Variants in EPB41L2 observed in about 807,000 individuals in gnomAD.
The protein encoded by EPB41L2 is erythrocyte membrane protein band 4.1 like 2.
A neutral mutation model predicts 113.0 loss-of-function variants in EPB41L2; 43 were observed. The observed-to-expected ratio is 0.38, with a 90% CI of 0.30 to 0.49. The LOEUF (loss-of-function observed/expected upper bound fraction) is 0.49. Ranked by LOEUF, EPB41L2 falls within the 20% of genes least tolerant of loss-of-function variation. The pLI is 0.95. For synonymous variants in EPB41L2, 442 were observed against 436.7 expected, an observed-to-expected ratio of 1.01 and a Z score of -0.15; for missense variants, 1,147 against 1,223.4, an observed-to-expected ratio of 0.94 and a Z score of 0.93.
intron 1 of EPB41L2, among the ~76,000 whole-genome samples, chr6:130,966,272 A>G (rs970529668): frequency 6.6e-6 from 1 of 152,220 alleles, no homozygotes; most frequent in African/African-American, 2.4e-5. Flanking sequence ...TATACCACAC[A>G]TTCATACAAC....
rs1486162310 is a variant in EPB41L2 at position 130,869,567 on chromosome 6, G to A, written c.2603C>T (p.Ser868Leu). The change falls in exon 15 of 20, where the codon TCA (serine) becomes TTA (leucine). Residue 868 changes from serine to leucine, a missense_variant. Physicochemically the swap from Ser to Leu is moderately radical, Grantham distance 145 (BLOSUM62 -2). Coordinates refer to ENST00000337057, the MANE Select transcript of EPB41L2 (RefSeq NM_001431.4). ...IDVLPQIICC[S>L]EPPVVKTEMV... ...CCACCTGGGACTCCCATTTACCTCTGAACAACAAATAATTTGTGGCAAAAC... is the reference window on the plus strand; with the variant it reads ...CCACCTGGGACTCCCATTTACCTCTAAACAACAAATAATTTGTGGCAAAAC... 6.2e-7 allele frequency: 1 copy of A among 1,613,582 alleles called. No homozygotes were observed. The highest frequency in any genetic ancestry group is 8.5e-7 in the Non-Finnish European group (1 of 1,179,776).
At chr6:131,051,699 G>A (rs774809421) in intron 1 of EPB41L2, among the ~76,000 whole-genome samples, 3 of 152,128 alleles carry the variant, frequency 2.0e-5, no homozygotes, top group Non-Finnish European at 2.9e-5. Context: ...GGACTGAGGT[G>A]AGAGAAAGAG....
intron 1 of EPB41L2, among the ~76,000 whole-genome samples, chr6:130,998,565 A>T (rs1042803750): frequency 1.3e-5 from 2 of 152,188 alleles, no homozygotes. Flanking sequence ...CAGGATACTA[A>T]ACTGATTATT....
chr6:130,964,017 T>C (rs1774311334), intron 1 of EPB41L2, among the ~76,000 whole-genome samples: 1 of 148,518 alleles, frequency 6.7e-6, no homozygotes, highest in African/African-American at 2.6e-5. Flanking sequence ...TATTCTTTCT[T>C]TTCTTTTCCT....
At chr6:130,955,891 C>T (rs1355246449) in intron 2 of EPB41L2, 103 bp downstream of exon 2, 1 of 1,508,924 alleles carries the variant, frequency 6.6e-7, no homozygotes, top group Non-Finnish European at 8.8e-7. Context: ...AAAGCAGTAT[C>T]TCAGTACAAG....
chr6:130,963,618 G>A (rs980120337), intron 1 of EPB41L2, among the ~76,000 whole-genome samples: 1 of 152,114 alleles, frequency 6.6e-6, no homozygotes, highest in Non-Finnish European at 1.5e-5. Flanking sequence ...TTGAAAGAAA[G>A]CCCCTACTGC....
At chr6:130,953,086 G>C (rs1303024328) in intron 3 of EPB41L2, among the ~76,000 whole-genome samples, 1 of 150,720 alleles carries the variant, frequency 6.6e-6, no homozygotes, top group Non-Finnish European at 1.5e-5. Context: ...GGTCTACAGA[G>C]GTTGAGCAAA....
chr6:130,841,922 A>T (rs779939331), intron 19 of EPB41L2, among the ~76,000 whole-genome samples: 14 of 152,130 alleles, frequency 9.2e-5, no homozygotes, highest in Non-Finnish European at 1.9e-4. Flanking sequence ...TTTTTAAAAA[A>T]CCCATGATGG....
rs759425797 is a variant in EPB41L2 at position 130,890,307 on chromosome 6, C to T, written c.1647G>A (p.Arg549=). ...FERTSSKRVS[R]SLDGAPIGVM... is the part of the protein sequence containing the mutation. ...AAATGTGTTTACCTCCATCTAGACT[C>T]CTGGAGACCCGTTTACTAGAAGTGC... is the stretch of plus-strand genomic sequence containing the variant. The change falls in exon 11 of 20, where the codon AGG becomes AGA. Residue 549 remains arginine, a synonymous_variant. Transcript: ENST00000337057. 11 of 1,610,200 alleles carry T rather than the reference C, an allele frequency of 6.8e-6. No homozygotes were observed. In the South Asian group the frequency reaches 1.2e-4, roughly 18 times the overall value.
chr6:130,855,350 CA>C (rs979772101), intron 19 of EPB41L2, among the ~76,000 whole-genome samples: 3 of 151,502 alleles, frequency 2.0e-5, no homozygotes, highest in African/African-American at 7.3e-5. Context: ...GACTCCGTCA[CA>C]AAAAAATAAA....
intron 1 of EPB41L2, among the ~76,000 whole-genome samples, chr6:130,974,703 T>A (rs1777735045): frequency 7.3e-6 from 1 of 137,730 alleles, no homozygotes; most frequent in Non-Finnish European, 1.6e-5. Flanking sequence ...GCAGCCTCTT[T>A]TTTCTTTTCT....
chr6:130,968,438 AT>A (rs1775899036), intron 1 of EPB41L2, among the ~76,000 whole-genome samples: 1 of 152,208 alleles, frequency 6.6e-6, no homozygotes, highest in Non-Finnish European at 1.5e-5. Flanking sequence ...CACTTTTTAA[AT>A]TTTGGCCGTT....
At chr6:130,929,280 A>G (rs562540035) in intron 3 of EPB41L2, among the ~76,000 whole-genome samples, 1 of 152,382 alleles carries the variant, frequency 6.6e-6, no homozygotes, top group African/African-American at 2.4e-5. Flanking sequence ...AGGGAATCTT[A>G]GAGGAGGAAA....
intron 5 of EPB41L2, among the ~76,000 whole-genome samples, chr6:130,906,407 G>A (rs998228): frequency 0.77 from 117,516 of 152,110 alleles, 45,971 homozygotes; most frequent in East Asian, 1. Context: ...TGGCTAAATT[G>A]ACCTAATTAA....
At chr6:130,841,805 G>A (rs1043194319) in intron 19 of EPB41L2, among the ~76,000 whole-genome samples, 34 of 152,200 alleles carry the variant, frequency 2.2e-4, no homozygotes, top group African/African-American at 8.0e-4. Context: ...ATCAGAACAA[G>A]GGATAAGTGA....
intron 1 of EPB41L2, chr6:131,015,964 A>G (rs1386262558): frequency 6.6e-6 from 1 of 152,230 alleles, no homozygotes; most frequent in African/African-American, 2.4e-5. Flanking sequence ...GTCTAAATGA[A>G]AAAGTCTGGA....
chr6:130,879,126 T>A (rs1472071788), intron 13 of EPB41L2, among the ~76,000 whole-genome samples: 1 of 152,218 alleles, frequency 6.6e-6, no homozygotes, highest in Non-Finnish European at 1.5e-5. Flanking sequence ...TCAAAAATCA[T>A]AGGGCCACCT....
In EPB41L2 at chr6:130,956,148, T is replaced by A; in HGVS notation, c.338A>T (p.Asp113Val). 4.3e-6 allele frequency: 7 copies of A among 1,614,188 alleles called. No individual in the cohort carries two copies. The highest frequency in any genetic ancestry group is 5.9e-6 in the Non-Finnish European group (7 of 1,180,032). ...TQAVVEEQVLDKEEPLPEEQR... is the reference protein window; with the variant it reads ...TQAVVEEQVLVKEEPLPEEQR... ...TTCTTCTGGAAGGGGTTCCTCTTTATCTAAGACCTGTTCTTCAACAACAGC... is the reference window on the plus strand; with the variant it reads ...TTCTTCTGGAAGGGGTTCCTCTTTAACTAAGACCTGTTCTTCAACAACAGC... The change falls in exon 2 of 20, where the codon GAT becomes GTT. Residue 113 changes from aspartate (D) to valine (V), a missense_variant. Asp to Val is a radical substitution (Grantham distance 152, BLOSUM62 -3). Coordinates refer to ENST00000337057, the MANE Select transcript of EPB41L2 (RefSeq NM_001431.4).
intron 3 of EPB41L2, among the ~76,000 whole-genome samples, chr6:130,947,102 G>C (rs1004965549): frequency 2.7e-5 from 4 of 146,990 alleles, no homozygotes; most frequent in African/African-American, 1.0e-4. Flanking sequence ...GACTTTGCTA[G>C]GTCCTGTATA....
Sources: gnomAD v4.1 joint callset for allele counts (sites outside exome capture counted in the v4.1 genomes callset) on GRCh38, gnomAD v4.1.1 for gene constraint, MANE v1.5 for transcripts, NCBI Gene and HGNC (gene_info 2026-07-23, HGNC 2026-07-21) for gene names.